The following DYM variants were observed in gnomAD, a reference collection of about 807,000 sequenced individuals.
DYM encodes the protein dyggve-Melchior-Clausen syndrome protein.
A neutral mutation model predicts 93.1 loss-of-function variants in DYM; 78 were observed. The observed-to-expected ratio is 0.84, with a 90% CI of 0.70 to 1.01. The LOEUF (loss-of-function observed/expected upper bound fraction) is 1.01, where lower values mean the gene tolerates loss of function less well. Among genes scored for constraint, DYM ranks in the 50% least tolerant of loss-of-function variants. The pLI is 0.00. For missense variants in DYM, 789 were observed against 845.0 expected (o/e 0.93, Z 0.82); for synonymous variants, 321 against 319.7 (o/e 1.00, Z -0.04).
intron 10 of DYM, among the ~76,000 whole-genome samples, chr18:49,274,358 C>A (rs552598673): frequency 6.6e-4 from 100 of 152,244 alleles, no homozygotes; most frequent in African/African-American, 2.0e-3. Flanking sequence ...TATCTCATTG[C>A]ATAAACATAC....
intron 14 of DYM, among the ~76,000 whole-genome samples, chr18:49,166,105 A>G (rs189815221): frequency 4.6e-4 from 70 of 152,278 alleles, no homozygotes; most frequent in Admixed American, 9.8e-4. Context: ...GGTTAACCGT[A>G]AACACCATAC....
chr18:49,355,186 TGATA>T (rs1423302295), intron 6 of DYM, among the ~76,000 whole-genome samples: 1 of 151,980 alleles, frequency 6.6e-6, no homozygotes, highest in Non-Finnish European at 1.5e-5. Context: ...ATTGATACAT[TGATA>T]GATACAATTG....
chr18:49,121,774 C>G (rs1290821744), intron 15 of DYM, among the ~76,000 whole-genome samples: 1 of 152,172 alleles, frequency 6.6e-6, no homozygotes, highest in Non-Finnish European at 1.5e-5. Flanking sequence ...AATGTAGTGG[C>G]ATCATTAAAG....
At chr18:49,103,654 T>C (rs950638965) in intron 16 of DYM, among the ~76,000 whole-genome samples, 4 of 152,176 alleles carry the variant, frequency 2.6e-5, no homozygotes, top group African/African-American at 9.7e-5. Flanking sequence ...CCCAGCACCA[T>C]TTATTAAATA....
rs147930676 is a variant in DYM at position 49,157,732 on chromosome 18, T to C, written c.1728+5953A>G. ...GTAGATTGTCTTTTTGCTTTCTTAA[T>C]TGCATCCTTTGAAACACAAAGTTTT... On this transcript the variant is annotated intron_variant, in intron 15 of 17. Transcript: ENST00000675505. 2.4e-4 allele frequency among the ~76,000 whole-genome samples: 36 copies of C among 152,368 alleles called. No individual in the cohort carries two copies. The East Asian group carries it at 3.9e-3, about 16-fold the overall frequency.
intron 15 of DYM, among the ~76,000 whole-genome samples, chr18:49,152,291 A>G (rs1243086482): frequency 6.6e-6 from 1 of 152,222 alleles, no homozygotes; most frequent in Non-Finnish European, 1.5e-5. Flanking sequence ...CCTTCAGTTT[A>G]AAAATGAAGG....
chr18:49,254,326 A>ATATATATATATATG (rs2094350025), intron 13 of DYM, among the ~76,000 whole-genome samples: 1 of 130,136 alleles, frequency 7.7e-6, no homozygotes, highest in East Asian at 2.3e-4. Flanking sequence ...ATATATATAT[A>ATATATATATATATG]CACACATAGA....
Position 49,391,406 on chromosome 18 carries a change from G to T in DYM, c.193+187C>A, listed in dbSNP as rs2069240242. The T allele has an allele frequency of 4.9e-6, 3 of 609,860 alleles. No individual in the cohort carries two copies. The Admixed American group carries it at 7.3e-5, about 15-fold the overall frequency. The allele number at this position is 609,860 out of a possible 1,614,324, so 37.8% of individuals were successfully genotyped here. A position where few individuals can be genotyped will look rare whatever the true frequency, so the allele number is the denominator to read the frequency against. On this transcript the variant is annotated intron_variant, in intron 3 of 17. Coordinates refer to ENST00000675505, the MANE Select transcript of DYM (RefSeq NM_001353214.3). ...TTACCACTACTGCAGATATAGCCAA[G>T]CATGTGTCATATTGCTATTGACTGA...
At chr18:49,311,272 G>GA (rs969507377) in intron 8 of DYM, among the ~76,000 whole-genome samples, 2 of 152,106 alleles carry the variant, frequency 1.3e-5, no homozygotes, top group African/African-American at 4.8e-5. Flanking sequence ...GTGTGCCACT[G>GA]AGGGCTTTAC....
intron 8 of DYM, among the ~76,000 whole-genome samples, chr18:49,329,873 A>G (rs1432973559): frequency 6.6e-6 from 1 of 152,220 alleles, no homozygotes; most frequent in Non-Finnish European, 1.5e-5. Flanking sequence ...TCAGTGAGGA[A>G]CTTCCAAATC....
At chr18:49,050,061 T>C (rs985841701) in intron 17 of DYM, among the ~76,000 whole-genome samples, 10 of 145,256 alleles carry the variant, frequency 6.9e-5, no homozygotes, top group African/African-American at 2.0e-4. Context: ...TATGATAAGG[T>C]GGACAGAGAG....
At chr18:49,335,782 A>G (rs2063612637) in intron 6 of DYM, among the ~76,000 whole-genome samples, 1 of 151,390 alleles carries the variant, frequency 6.6e-6, no homozygotes, top group South Asian at 2.1e-4. Context: ...ATGGATGACT[A>G]TGTCCAATAC....
At chr18:49,371,595 C>A (rs903887263) in intron 5 of DYM, among the ~76,000 whole-genome samples, 3 of 152,016 alleles carry the variant, frequency 2.0e-5, no homozygotes, top group Admixed American at 6.5e-5. Flanking sequence ...ATTTATAAGA[C>A]GCCAAATGTG....
chr18:49,431,834 G>C (rs1247496857), intron 1 of DYM: 1 of 151,736 alleles, frequency 6.6e-6, no homozygotes, highest in Non-Finnish European at 1.5e-5. Context: ...GATGCACATG[G>C]ACAGCTGGGT....
intron 17 of DYM, among the ~76,000 whole-genome samples, chr18:49,073,429 C>A (rs2077048692): frequency 6.6e-6 from 1 of 151,916 alleles, no homozygotes; most frequent in Non-Finnish European, 1.5e-5. Flanking sequence ...TTAGAAAACA[C>A]AAACAATACC....
At chr18:49,343,924 A>G (rs2064362073) in intron 6 of DYM, among the ~76,000 whole-genome samples, 1 of 151,150 alleles carries the variant, frequency 6.6e-6, no homozygotes, top group Non-Finnish European at 1.5e-5. Flanking sequence ...CTTGGGCAAC[A>G]TACAAGACCC....
At chr18:49,283,322 C>T (rs1483944522) in intron 9 of DYM, among the ~76,000 whole-genome samples, 1 of 152,082 alleles carries the variant, frequency 6.6e-6, no homozygotes, top group African/African-American at 2.4e-5. Context: ...CAAAAGAGCA[C>T]ACCAAGCTTG....
At chr18:49,238,102 A>C (rs2093926889) in intron 13 of DYM, among the ~76,000 whole-genome samples, 1 of 152,222 alleles carries the variant, frequency 6.6e-6, no homozygotes, top group South Asian at 2.1e-4. Context: ...ATTTGGATGG[A>C]TATTACCACA....
At chr18:49,277,827 A>G (rs1319046030) in intron 10 of DYM, among the ~76,000 whole-genome samples, 1 of 152,254 alleles carries the variant, frequency 6.6e-6, no homozygotes, top group Admixed American at 6.5e-5. Flanking sequence ...GCCAGACTAA[A>G]TTCTGAACTG....
Sources: gnomAD v4.1 joint callset for allele counts (sites outside exome capture counted in the v4.1 genomes callset) on GRCh38, gnomAD v4.1.1 for gene constraint, MANE v1.5 for transcripts, NCBI Gene and HGNC (gene_info 2026-07-23, HGNC 2026-07-21) for gene names.